Variants in AGBL1 observed in about 807,000 individuals in gnomAD.
AGBL1 encodes AGBL carboxypeptidase 1, also known as cytosolic carboxypeptidase 4.
A neutral mutation model predicts 118.9 loss-of-function variants in AGBL1; 130 were observed. The ratio of observed to expected loss-of-function variants is 1.09; its 90% CI spans 0.95 to 1.26. The LOEUF (loss-of-function observed/expected upper bound fraction) is 1.26, where lower values mean the gene tolerates loss of function less well. Among genes scored for constraint, AGBL1 ranks in the 50% most tolerant of loss-of-function variants. The probability of loss-of-function intolerance (pLI) is 0.00; values close to 1 mark genes in which losing one functional copy is unlikely to be tolerated. For synonymous variants in AGBL1, 555 were observed against 478.9 expected, an observed-to-expected ratio of 1.16 and a Z score of -2.08; for missense variants, 1,584 against 1,298.1, an observed-to-expected ratio of 1.22 and a Z score of -3.38.
intron 5 of AGBL1, among the ~76,000 whole-genome samples, chr15:86,191,166 A>AC: frequency 6.9e-6 from 1 of 145,662 alleles, no homozygotes; most frequent in Non-Finnish European, 1.5e-5. Flanking sequence ...AACATGGTGA[A>AC]ACCCCCCCTC....
intron 21 of AGBL1, among the ~76,000 whole-genome samples, chr15:86,566,294 A>AT (rs1309453137): frequency 6.6e-6 from 1 of 152,088 alleles, no homozygotes; most frequent in East Asian, 1.9e-4. Flanking sequence ...GAGTATGCAC[A>AT]TTTTTCTAGG....
At chr15:86,927,309 C>T (rs2080552959) in intron 23 of AGBL1, among the ~76,000 whole-genome samples, 1 of 151,982 alleles carries the variant, frequency 6.6e-6, no homozygotes, top group Non-Finnish European at 1.5e-5. Context: ...TTATTTTAGG[C>T]CAGGTGTGGT....
At chr15:86,180,030 T>C (rs1704936201) in intron 5 of AGBL1, among the ~76,000 whole-genome samples, 1 of 149,364 alleles carries the variant, frequency 6.7e-6, no homozygotes, top group South Asian at 2.1e-4. Context: ...TACAAAACAA[T>C]GTTGAAACAA....
chr15:86,763,648 A>G (rs1324562170), intron 22 of AGBL1, among the ~76,000 whole-genome samples: 1 of 151,988 alleles, frequency 6.6e-6, no homozygotes, highest in East Asian at 1.9e-4. Flanking sequence ...TTTATTGGCC[A>G]AGATTATTGT....
At chr15:86,581,180 A>G (rs1403459525) in intron 21 of AGBL1, among the ~76,000 whole-genome samples, 2 of 152,218 alleles carry the variant, frequency 1.3e-5, no homozygotes, top group African/African-American at 2.4e-5. Context: ...CTCATGGTCA[A>G]CGTGAGAAGT....
chr15:86,878,383 C>T (rs2079843935), intron 22 of AGBL1, among the ~76,000 whole-genome samples: 3 of 152,146 alleles, frequency 2.0e-5, no homozygotes, highest in Admixed American at 2.0e-4. Context: ...TTTACAAAAA[C>T]AGGCAGTGGG....
At chr15:86,324,121 C>T (rs2080146961) in intron 17 of AGBL1, among the ~76,000 whole-genome samples, 1 of 152,158 alleles carries the variant, frequency 6.6e-6, no homozygotes. Flanking sequence ...AATTTAGTGT[C>T]AGGCACTGGG....
chr15:86,959,031 A>C (rs2080962158), intron 23 of AGBL1, among the ~76,000 whole-genome samples: 1 of 152,172 alleles, frequency 6.6e-6, no homozygotes, highest in Admixed American at 6.6e-5. Flanking sequence ...TAGTAAGTAC[A>C]CAGAATCCTG....
intron 22 of AGBL1, among the ~76,000 whole-genome samples, chr15:86,851,178 G>A (rs1374400053): frequency 6.6e-6 from 1 of 152,068 alleles, no homozygotes; most frequent in Non-Finnish European, 1.5e-5. Context: ...CTACTATTTT[G>A]GGAAAGAGGG....
At chr15:86,516,873 A>G (rs1473906699) in intron 18 of AGBL1, among the ~76,000 whole-genome samples, 2 of 151,628 alleles carry the variant, frequency 1.3e-5, no homozygotes, top group Admixed American at 6.6e-5. Flanking sequence ...GGCTCTCTCT[A>G]TATTTGCAGC....
intron 24 of AGBL1, among the ~76,000 whole-genome samples, chr15:87,010,633 T>A (rs915671568): frequency 1.3e-5 from 2 of 152,216 alleles, no homozygotes; most frequent in Non-Finnish European, 2.9e-5. Context: ...CTCCCCATCC[T>A]GGATTCTCAG....
At chr15:86,696,883 C>G (rs11855868) in intron 22 of AGBL1, among the ~76,000 whole-genome samples, 75,819 of 151,670 alleles carry the variant, frequency 0.5, 19,574 homozygotes, top group East Asian at 0.74. Flanking sequence ...ATACAAAATT[C>G]TTGGTTGATA....
chr15:86,370,301 C>CTTTTTTT (rs5814238), intron 17 of AGBL1, among the ~76,000 whole-genome samples: 6 of 131,014 alleles, frequency 4.6e-5, no homozygotes, highest in Non-Finnish European at 3.2e-5. Flanking sequence ...GTCTCTATTC[C>CTTTTTTT]TTTTTTTTTT....
intron 22 of AGBL1, among the ~76,000 whole-genome samples, chr15:86,740,242 T>C (rs1383329938): frequency 6.6e-6 from 1 of 152,244 alleles, no homozygotes; most frequent in East Asian, 1.9e-4. Context: ...AGCATCCCCA[T>C]ACTGGGATTG....
At chr15:86,933,902 A>G (rs1345184245) in intron 23 of AGBL1, among the ~76,000 whole-genome samples, 1 of 152,210 alleles carries the variant, frequency 6.6e-6, no homozygotes, top group Non-Finnish European at 1.5e-5. Context: ...TTGAGGTTCT[A>G]ACACTGCCCA....
intron 22 of AGBL1, among the ~76,000 whole-genome samples, chr15:86,817,901 A>AG (rs1816745171): frequency 6.6e-6 from 1 of 152,206 alleles, no homozygotes; most frequent in African/African-American, 2.4e-5. Context: ...GAAGAGACAG[A>AG]GACAAACACA....
intron 5 of AGBL1, among the ~76,000 whole-genome samples, chr15:86,194,132 T>C (rs546753666): frequency 6.6e-6 from 1 of 152,384 alleles, no homozygotes; most frequent in South Asian, 2.1e-4. Flanking sequence ...CTCGTTCTGC[T>C]CTGGGATTTT....
chr15:86,449,090 A>G (rs1253282939), intron 18 of AGBL1, among the ~76,000 whole-genome samples: 1 of 152,204 alleles, frequency 6.6e-6, no homozygotes, highest in East Asian at 1.9e-4. Context: ...CCGAGAAAAT[A>G]TGAGGATCAA....
rs189014858 is a variant in AGBL1, at chr15:86,501,621, A to G, written c.2556-21189A>G. Among the ~76,000 whole-genome samples, 18 of 151,638 alleles carry G rather than the reference A, an allele frequency of 1.2e-4. No homozygotes were observed. In the East Asian group the frequency reaches 2.7e-3, roughly 23 times the overall value. On this transcript the variant is annotated intron_variant, in intron 18 of 22. Coordinates refer to ENST00000614907, the MANE Select transcript of AGBL1 (RefSeq NM_001386094.1). ...TATAATTGTTTTGGGGTTAATTTTC[A>G]TGTGTTACTTGAGGTGAAGGTCCAA...
Sources: gnomAD v4.1 joint callset for allele counts (sites outside exome capture counted in the v4.1 genomes callset) on GRCh38, gnomAD v4.1.1 for gene constraint, MANE v1.5 for transcripts, NCBI Gene and HGNC (gene_info 2026-07-23, HGNC 2026-07-21) for gene names.